CCNY: variants seen among roughly 807,000 people sequenced by gnomAD.
CCNY encodes the protein cyclin Y, also known as cyclin-Y.
Under a neutral mutation model 42.8 loss-of-function variants are expected in CCNY, and 19 were observed. That is an observed-to-expected ratio of 0.44 (90% CI 0.31 to 0.65). The LOEUF (loss-of-function observed/expected upper bound fraction) is 0.65. CCNY is among the 30% of genes least tolerant of loss of function. The probability of loss-of-function intolerance (pLI) is 0.07; values close to 1 mark genes in which losing one functional copy is unlikely to be tolerated. For synonymous variants in CCNY, 165 were observed against 162.7 expected, an observed-to-expected ratio of 1.01 and a Z score of -0.11; for missense variants, 370 against 437.3, an observed-to-expected ratio of 0.85 and a Z score of 1.37.
intron 1 of CCNY, among the ~76,000 whole-genome samples, chr10:35,376,849 A>C (rs1589073402): frequency 6.6e-6 from 1 of 152,228 alleles, no homozygotes; most frequent in Admixed American, 6.5e-5. Flanking sequence ...GAACAGGGAA[A>C]TCTAATAGAG....
At chr10:35,548,242 G>T (rs1841158471) in intron 7 of CCNY, among the ~76,000 whole-genome samples, 1 of 147,200 alleles carries the variant, frequency 6.8e-6, no homozygotes, top group African/African-American at 2.5e-5. Context: ...AAAATGTTAA[G>T]AAAATAAGGA....
intron 1 of CCNY, among the ~76,000 whole-genome samples, chr10:35,364,395 A>C (rs988919311): frequency 2.0e-5 from 3 of 152,220 alleles, no homozygotes; most frequent in African/African-American, 7.2e-5. Flanking sequence ...TGAATTTTAC[A>C]TGCTGTTTGT....
intron 3 of CCNY, among the ~76,000 whole-genome samples, chr10:35,286,767 T>G (rs1049042086): frequency 4.6e-5 from 7 of 151,534 alleles, no homozygotes; most frequent in African/African-American, 1.7e-4. Context: ...TCAAGAGATC[T>G]TCTCATCTCA....
intron 1 of CCNY, among the ~76,000 whole-genome samples, chr10:35,373,870 A>G (rs1359742942): frequency 2.0e-5 from 3 of 152,230 alleles, no homozygotes; most frequent in African/African-American, 7.2e-5. Flanking sequence ...TTTCAACTCC[A>G]TGAAGGGGTT....
In CCNY at chr10:35,553,104, T is replaced by A; in HGVS notation, c.665T>A (p.Leu222Gln). ...WKRIVLGAILLASKVWDDQAV... is the reference protein window; with the variant it reads ...WKRIVLGAILQASKVWDDQAV... ...CGGATTGTTTTAGGGGCGATCCTGC[T>A]GGCCTCCAAGGTGTGGGATGACCAG... The change falls in exon 8 of 10, where the codon CTG becomes CAG. Residue 222 changes from leucine (L) to glutamine (Q), a missense_variant. Around this residue, in one of 2 missense-constraint regions of CCNY, gnomAD observed 234 missense variants for 313.1 expected, o/e 0.75. Transcript: ENST00000374704. 3 of 1,614,220 alleles carry A rather than the reference T, an allele frequency of 1.9e-6. No homozygotes were observed. The highest frequency in any genetic ancestry group is 2.5e-6 in the Non-Finnish European group (3 of 1,180,040).
chr10:35,531,886 C>G (rs1381932589), intron 7 of CCNY, among the ~76,000 whole-genome samples: 1 of 152,254 alleles, frequency 6.6e-6, no homozygotes, highest in African/African-American at 2.4e-5. Context: ...GAACATCTAA[C>G]AGGCATCCCT....
At chr10:35,345,954 ACCCACC>A (rs1481044963) in intron 1 of CCNY, among the ~76,000 whole-genome samples, 1 of 152,180 alleles carries the variant, frequency 6.6e-6, no homozygotes, top group Non-Finnish European at 1.5e-5. Flanking sequence ...GGGTAATGGA[ACCCACC>A]CAGGCTGTCT....
At chr10:35,567,217 C>T (rs1479132486) in intron 9 of CCNY, among the ~76,000 whole-genome samples, 1 of 152,108 alleles carries the variant, frequency 6.6e-6, no homozygotes, top group African/African-American at 2.4e-5. Flanking sequence ...TTCCAAAATA[C>T]CTTTTCCATA....
At chr10:35,390,180 T>C (rs973399806) in intron 1 of CCNY, among the ~76,000 whole-genome samples, 1 of 152,250 alleles carries the variant, frequency 6.6e-6, no homozygotes, top group African/African-American at 2.4e-5. Flanking sequence ...CACTTGTGGC[T>C]GAATATAGAT....
At chr10:35,552,852 C>A (rs1054697709) in intron 7 of CCNY, among the ~76,000 whole-genome samples, 167 bp from the exon 8 acceptor site, 5 of 152,124 alleles carry the variant, frequency 3.3e-5, no homozygotes, top group African/African-American at 1.2e-4. Context: ...TTTTAGCCCA[C>A]GTTTCATCAG....
intron 1 of CCNY, among the ~76,000 whole-genome samples, chr10:35,410,295 A>G (rs1236929624): frequency 3.9e-5 from 6 of 152,314 alleles, no homozygotes; most frequent in African/African-American, 9.6e-5. Context: ...GAGGATATCA[A>G]CTGAACAATT....
rs1225015272 is a variant in CCNY at position 35,569,620 on chromosome 10, G to A, written c.*450G>A. The stretch of plus-strand genomic sequence containing the variant: ...CCTTCTGCTGCTTTTTTGGGATGGG[G>A]GTATTTTTGTTCATTTGTTTTTGCC... On this transcript the variant is annotated 3_prime_UTR_variant, in exon 10 of 10. Transcript: ENST00000374704. 3 of 176,876 alleles carry A rather than the reference G, an allele frequency of 1.7e-5. No homozygotes were observed. Among genetic ancestry groups the A allele is most frequent in the Non-Finnish European group, 3.6e-5 (3 of 82,320 alleles). 11.0% of individuals were successfully genotyped at this position (176,876 alleles called of 1,614,324 possible).
At chr10:35,538,126 C>T (rs1318154742) in intron 7 of CCNY, among the ~76,000 whole-genome samples, 1 of 152,192 alleles carries the variant, frequency 6.6e-6, no homozygotes, top group Admixed American at 6.5e-5. Context: ...TCTCTGCCTG[C>T]TGCCATCCAT....
intron 1 of CCNY, among the ~76,000 whole-genome samples, chr10:35,456,725 GT>G (rs1462545377): frequency 6.6e-6 from 1 of 152,200 alleles, no homozygotes; most frequent in African/African-American, 2.4e-5. Context: ...TTGAAGGGCA[GT>G]TTAAAGTTAT....
chr10:35,460,172 T>C (rs538252939), intron 1 of CCNY, among the ~76,000 whole-genome samples: 1 of 152,334 alleles, frequency 6.6e-6, no homozygotes, highest in East Asian at 1.9e-4. Context: ...TCCCTGCCGC[T>C]TGGCAGCTGT....
At chr10:35,348,217 T>C (rs1036238518) in intron 1 of CCNY, among the ~76,000 whole-genome samples, 8 of 152,246 alleles carry the variant, frequency 5.3e-5, no homozygotes, top group Non-Finnish European at 8.8e-5. Context: ...ACAAGTTGTT[T>C]ATTCACTCTA....
intron 3 of CCNY, among the ~76,000 whole-genome samples, chr10:35,280,478 AGAAG>A (rs144433317): frequency 0.33 from 48,578 of 148,160 alleles, 8,030 homozygotes; most frequent in South Asian, 0.41. Context: ...AAGGAAGGAA[AGAAG>A]GAAGGAAGGA....
At chr10:35,304,268 T>A (rs1302414791) in intron 3 of CCNY, among the ~76,000 whole-genome samples, 1 of 152,130 alleles carries the variant, frequency 6.6e-6, no homozygotes, top group Non-Finnish European at 1.5e-5. Flanking sequence ...CGTTGTAAGA[T>A]CTTGAAAAGG....
intron 1 of CCNY, among the ~76,000 whole-genome samples, chr10:35,361,626 C>T (rs1192108586): frequency 1.3e-5 from 2 of 152,200 alleles, no homozygotes; most frequent in African/African-American, 4.8e-5. Context: ...ATGTGATTAA[C>T]TTTTAATATG....
Sources: allele counts gnomAD v4.1 joint callset (sites outside exome capture counted in the v4.1 genomes callset), GRCh38; gene constraint gnomAD v4.1.1; regional missense constraint gnomAD v4.1.1; transcripts MANE v1.5; gene names NCBI Gene and HGNC (gene_info 2026-07-23, HGNC 2026-07-21).